MPPED2: variants seen among roughly 807,000 people sequenced by gnomAD.
The protein encoded by MPPED2 is metallophosphoesterase MPPED2.
A neutral mutation model predicts 33.0 loss-of-function variants in MPPED2; 5 were observed. That is an observed-to-expected ratio of 0.15 (90% CI 0.08 to 0.32). MPPED2 has a LOEUF of 0.32. MPPED2 is among the 10% of genes least tolerant of loss of function. The pLI is 1.00. For missense variants in MPPED2, 275 were observed against 372.1 expected (o/e 0.74, Z 2.15); for synonymous variants, 136 against 141.9 (o/e 0.96, Z 0.29).
intron 6 of MPPED2, among the ~76,000 whole-genome samples, chr11:30,395,142 T>G (rs1309554219): frequency 6.6e-6 from 1 of 152,190 alleles, no homozygotes. Flanking sequence ...CCTCCAACTT[T>G]GTTTCTGAAT....
chr11:30,516,244 T>C (rs1375484498), intron 3 of MPPED2, among the ~76,000 whole-genome samples: 1 of 152,114 alleles, frequency 6.6e-6, no homozygotes, highest in Non-Finnish European at 1.5e-5. Flanking sequence ...TTAAGCTCGC[T>C]CCCTTCTAGA....
At chr11:30,457,145 A>T (rs534432300) in intron 4 of MPPED2, among the ~76,000 whole-genome samples, 2 of 152,298 alleles carry the variant, frequency 1.3e-5, no homozygotes, top group South Asian at 4.2e-4. Context: ...TTTATGGAGT[A>T]CAGCAACATG....
intron 1 of MPPED2, among the ~76,000 whole-genome samples, chr11:30,585,332 G>C (rs997758132): frequency 6.6e-6 from 1 of 152,022 alleles, no homozygotes; most frequent in Non-Finnish European, 1.5e-5. Context: ...GGAGAGTGAG[G>C]TTGGGGCGCG....
At chr11:30,449,712 C>A (rs1949968396) in intron 4 of MPPED2, among the ~76,000 whole-genome samples, 1 of 152,190 alleles carries the variant, frequency 6.6e-6, no homozygotes, top group Non-Finnish European at 1.5e-5. Context: ...AAAAACAGGG[C>A]ATAAACTTCC....
At chr11:30,549,798 C>T (rs564026840) in intron 2 of MPPED2, among the ~76,000 whole-genome samples, 5 of 152,206 alleles carry the variant, frequency 3.3e-5, no homozygotes, top group East Asian at 3.9e-4. Context: ...ACGTGACTGC[C>T]GCCATCGATA....
downstream of MPPED2, among the ~76,000 whole-genome samples, chr11:30,409,446 C>A (rs180996212): frequency 1.3e-5 from 2 of 152,224 alleles, no homozygotes; most frequent in African/African-American, 2.4e-5. Flanking sequence ...AAATGTCCAA[C>A]ACAGCCTATG....
At chr11:30,503,879 G>A (rs1490810145) in intron 3 of MPPED2, among the ~76,000 whole-genome samples, 3 of 152,116 alleles carry the variant, frequency 2.0e-5, no homozygotes, top group African/African-American at 7.2e-5. Flanking sequence ...TGGCTCCCAG[G>A]TGCCCAGGAA....
At chr11:30,495,624 G>T in intron 3 of MPPED2, 103 bp from the exon 4 acceptor site, 1 of 767,356 alleles carries the variant, frequency 1.3e-6, no homozygotes, top group Non-Finnish European at 2.2e-6. Flanking sequence ...AAATGAAATA[G>T]CTCGCAAATT....
intron 4 of MPPED2, 127 bp from the exon 5 acceptor site, chr11:30,417,760 G>C (rs997622677): frequency 1.6e-6 from 1 of 621,654 alleles, no homozygotes; most frequent in African/African-American, 1.8e-5. Flanking sequence ...GGTTGGCCCT[G>C]GCAGCAGGAT....
chr11:30,492,006 C>A (rs1952003478), intron 4 of MPPED2, among the ~76,000 whole-genome samples: 1 of 152,198 alleles, frequency 6.6e-6, no homozygotes, highest in African/African-American at 2.4e-5. Context: ...TCTCAACAGA[C>A]TTAAGTCTAA....
In MPPED2 at chr11:30,396,293, T is replaced by A. The variant is rs113750669; in HGVS notation, c.767-7337A>T. Among the ~76,000 whole-genome samples, 336 of 152,258 alleles carry A rather than the reference T, an allele frequency of 2.2e-3. 1 individual carries two copies. Among genetic ancestry groups the A allele is most frequent in the African/African-American group, 7.7e-3 (318 of 41,568 alleles). On this transcript the variant is annotated intron_variant, in intron 6 of 6. Coordinates refer to the MPPED2 transcript ENST00000448418. ...TGCCCCACCTGCACTGATTTAAGCA[T>A]TCAATGGCAGCAAATATCCACTGCT...
intron 3 of MPPED2, among the ~76,000 whole-genome samples, chr11:30,506,290 C>CGCCTCAGCCT (rs1952824969): frequency 1.3e-5 from 2 of 152,166 alleles, no homozygotes; most frequent in South Asian, 4.1e-4. Context: ...CCCCTCAGCC[C>CGCCTCAGCCT]GCCTCAGCCT....
intron 4 of MPPED2, among the ~76,000 whole-genome samples, chr11:30,418,983 C>T (rs1565048475): frequency 6.6e-6 from 1 of 152,190 alleles, no homozygotes; most frequent in Non-Finnish European, 1.5e-5. Flanking sequence ...AGAGAAGAGA[C>T]TGTGTAGCCC....
At chr11:30,538,465 G>A (rs1565164839) in intron 2 of MPPED2, among the ~76,000 whole-genome samples, 1 of 151,990 alleles carries the variant, frequency 6.6e-6, no homozygotes, top group Non-Finnish European at 1.5e-5. Context: ...GTACATAATT[G>A]GTTCCTCATC....
chr11:30,458,914 CTTTTTTTTTT>C (rs71060450), intron 4 of MPPED2, among the ~76,000 whole-genome samples: 3 of 64,516 alleles, frequency 4.7e-5, no homozygotes, highest in East Asian at 4.4e-4. Context: ...TTGCACAGTT[CTTTTTTTTTT>C]TTTTTTTTTT....
chr11:30,401,736 G>A (rs1947910894), intron 6 of MPPED2, among the ~76,000 whole-genome samples: 1 of 152,192 alleles, frequency 6.6e-6, no homozygotes, highest in Non-Finnish European at 1.5e-5. Context: ...CCAGGCTGGA[G>A]TGCAGTGGCA....
At chr11:30,521,352 G>A (rs1262022818) in intron 3 of MPPED2, among the ~76,000 whole-genome samples, 1 of 152,142 alleles carries the variant, frequency 6.6e-6, no homozygotes, top group Admixed American at 6.5e-5. Flanking sequence ...GCTAAATTAC[G>A]AAAGCTTGCT....
chr11:30,470,089 T>C (rs531990285), intron 4 of MPPED2, among the ~76,000 whole-genome samples: 2 of 152,324 alleles, frequency 1.3e-5, no homozygotes, highest in African/African-American at 4.8e-5. Context: ...TTATCCACTT[T>C]GATTTCAGCA....
intron 1 of MPPED2, 129 bp from the exon 2 acceptor site, chr11:30,580,623 A>G (rs747365637): frequency 1.1e-6 from 1 of 879,306 alleles, no homozygotes; most frequent in Non-Finnish European, 1.6e-6. Flanking sequence ...TGGCTCATGG[A>G]TACAACTGTT....
Sources: gnomAD v4.1 joint callset for allele counts (sites outside exome capture counted in the v4.1 genomes callset) on GRCh38, gnomAD v4.1.1 for gene constraint, MANE v1.5 for transcripts, NCBI Gene and HGNC (gene_info 2026-07-23, HGNC 2026-07-21) for gene names.